DMD: variants seen among roughly 807,000 people sequenced by gnomAD.
The protein encoded by DMD is dystrophin.
In DMD, 63 loss-of-function variants were observed where a neutral mutation model predicts 330.1. That is an observed-to-expected ratio of 0.19 (90% confidence interval 0.16 to 0.24). The LOEUF (loss-of-function observed/expected upper bound fraction) is 0.24, where lower values mean the gene tolerates loss of function less well. Ranked by LOEUF, DMD falls within the 10% of genes least tolerant of loss-of-function variation. The pLI is 1.00. For missense variants in DMD, 3,344 were observed against 2,684.1 expected (o/e 1.25, Z -5.43); for synonymous variants, 1,223 against 959.8 (o/e 1.27, Z -5.07).
intron 68 of DMD, 63 bp downstream of exon 68, chrX:31,182,675 C>G (rs2041279351): frequency 9.2e-7 from 1 of 1,085,004 alleles, no homozygotes; most frequent in Non-Finnish European, 1.3e-6. Flanking sequence ...GATAAAAGAT[C>G]AAGTCATAAA....
At chrX:31,165,214 G>A (rs1159284822) in intron 74 of DMD, among the ~76,000 whole-genome samples, 1 of 111,835 alleles carries the variant, frequency 8.9e-6, no homozygotes, top group Middle Eastern at 4.2e-3. Flanking sequence ...GAACTTCTTT[G>A]ACTGTAACAA....
chrX:32,598,415 G>A (rs808534), intron 12 of DMD, among the ~76,000 whole-genome samples: 58,563 of 110,242 alleles, frequency 0.53, 13,356 homozygotes, highest in African/African-American at 0.9. Context: ...GGTGTCAGCC[G>A]GGAATGTTTC....
At chrX:32,135,834 C>G (rs1161374376) in intron 44 of DMD, among the ~76,000 whole-genome samples, 1 of 112,540 alleles carries the variant, frequency 8.9e-6, no homozygotes, top group Non-Finnish European at 1.9e-5. Context: ...CTAATGGTAT[C>G]TAATTTGCAG....
At chrX:32,855,079 A>G (rs5972696) in intron 2 of DMD, among the ~76,000 whole-genome samples, 21,963 of 111,376 alleles carry the variant, frequency 0.2, 2,354 homozygotes, top group African/African-American at 0.4. Context: ...GACAAAAACC[A>G]TATCATTTCA....
chrX:31,405,837 AG>A (rs2061381872), intron 60 of DMD, among the ~76,000 whole-genome samples: 2 of 112,034 alleles, frequency 1.8e-5, no homozygotes, highest in African/African-American at 6.5e-5. Context: ...AATTCTATAC[AG>A]GTTCTCAAAA....
intron 64 of DMD, among the ~76,000 whole-genome samples, chrX:31,222,364 G>A (rs1204067006): frequency 1.2e-5 from 1 of 80,058 alleles, no homozygotes; most frequent in Non-Finnish European, 2.2e-5. Context: ...CTGCACTCCA[G>A]CCTGGGCAAC....
intron 67 of DMD, among the ~76,000 whole-genome samples, chrX:31,189,947 C>A (rs114796548): frequency 2.9e-4 from 33 of 112,448 alleles, no homozygotes; most frequent in African/African-American, 1.0e-3. Context: ...TGGTATCACA[C>A]ATAAAAGGCT....
intron 44 of DMD, among the ~76,000 whole-genome samples, chrX:32,190,383 C>T (rs368679280): frequency 9.3e-6 from 1 of 108,036 alleles, no homozygotes; most frequent in African/African-American, 3.4e-5. Flanking sequence ...AATGCTATAC[C>T]GCCTGTGCCT....
At chrX:32,975,774 T>C (rs889993119) in intron 2 of DMD, among the ~76,000 whole-genome samples, 2 of 111,494 alleles carry the variant, frequency 1.8e-5, no homozygotes, top group South Asian at 3.7e-4. Context: ...ATGAGAATGA[T>C]AGTAAGGTGT....
At chrX:33,313,469 G>C (rs1038344783) in intron 1 of DMD, among the ~76,000 whole-genome samples, 3 of 111,513 alleles carry the variant, frequency 2.7e-5, no homozygotes, top group Non-Finnish European at 5.6e-5. Flanking sequence ...AGGCACTATG[G>C]TTAAGAAGTA....
At chrX:31,721,215 T>G (rs1207066512) in intron 52 of DMD, among the ~76,000 whole-genome samples, 1 of 111,519 alleles carries the variant, frequency 9.0e-6, no homozygotes, top group Non-Finnish European at 1.9e-5. Flanking sequence ...ATGAACCTCA[T>G]GATGATGGCT....
intron 44 of DMD, among the ~76,000 whole-genome samples, chrX:32,153,103 C>T (rs896479288): frequency 8.9e-6 from 1 of 112,002 alleles, no homozygotes; most frequent in Non-Finnish European, 1.9e-5. Context: ...TCCTTACTGA[C>T]GTCTCTATTA....
In DMD at chrX:32,895,965, G is replaced by C. The variant is rs906922056; in HGVS notation, c.94-46145C>G. Reference sequence around the variant, plus strand: ...ACAGTCTAGAGGAAGAGATCATCTAGTTTACTGGGAACTAGTAATGCTTAT... The same window carrying C: ...ACAGTCTAGAGGAAGAGATCATCTACTTTACTGGGAACTAGTAATGCTTAT... On this transcript the variant is annotated intron_variant, in intron 2 of 78. Transcript: ENST00000357033. Among the ~76,000 whole-genome samples, 4 of 110,638 alleles carry C rather than the reference G, an allele frequency of 3.6e-5. 1 individual carries two copies. The South Asian group carries it at 1.6e-3, about 43-fold the overall frequency.
chrX:32,998,599 AT>A (rs1257287298), intron 2 of DMD, among the ~76,000 whole-genome samples: 1 of 105,229 alleles, frequency 9.5e-6, no homozygotes, highest in Non-Finnish European at 1.9e-5. Context: ...TTCTCTACCT[AT>A]TTATATATAT....
intron 63 of DMD, among the ~76,000 whole-genome samples, chrX:31,224,807 T>TA (rs772596051): frequency 4.2e-4 from 47 of 111,895 alleles, no homozygotes; most frequent in Middle Eastern, 9.3e-3. Flanking sequence ...CAAAGTGCAA[T>TA]AAAAAGGAAC....
intron 47 of DMD, among the ~76,000 whole-genome samples, chrX:31,894,383 T>C (rs1378361249): frequency 9.0e-6 from 1 of 111,720 alleles, no homozygotes; most frequent in Non-Finnish European, 1.9e-5. Context: ...GGCTCATCTC[T>C]TGGCTCTGGC....
chrX:32,198,604 C>A (rs113050382), intron 44 of DMD, among the ~76,000 whole-genome samples: 2 of 111,745 alleles, frequency 1.8e-5, no homozygotes, highest in African/African-American at 3.2e-5. Flanking sequence ...TTTAAAAATT[C>A]ACTCATTATA....
chrX:33,150,917 AC>A (rs1433240897), intron 1 of DMD, among the ~76,000 whole-genome samples: 3 of 111,694 alleles, frequency 2.7e-5, no homozygotes, highest in Non-Finnish European at 5.6e-5. Context: ...GCAAACCACA[AC>A]AGAGAAATAG....
chrX:32,829,868 G>A (rs978297185), intron 4 of DMD, among the ~76,000 whole-genome samples: 1 of 111,866 alleles, frequency 8.9e-6, no homozygotes, highest in South Asian at 3.6e-4. Flanking sequence ...CTGGATAGAA[G>A]ATATTTCATT....
Sources: allele counts gnomAD v4.1 joint callset (sites outside exome capture counted in the v4.1 genomes callset), GRCh38; gene constraint gnomAD v4.1.1; transcripts MANE v1.5; gene names NCBI Gene and HGNC (gene_info 2026-07-23, HGNC 2026-07-21).